Variants in BNC2 observed in about 807,000 individuals in gnomAD.
BNC2 encodes the protein basonuclin zinc finger protein 2.
A neutral mutation model predicts 76.3 loss-of-function variants in BNC2; 20 were observed. The observed-to-expected ratio is 0.26, with a 90% CI of 0.18 to 0.38. The LOEUF is 0.38. Among genes scored for constraint, BNC2 ranks in the 10% least tolerant of loss-of-function variants. The pLI, the probability that BNC2 is intolerant of heterozygous loss-of-function variation, is 1.00. For synonymous variants in BNC2, 582 were observed against 514.8 expected (o/e 1.13, Z -1.77); for missense variants, 1,382 against 1,399.8 (o/e 0.99, Z 0.20).
chr9:16,558,844 G>C (rs1364701264), intron 4 of BNC2, among the ~76,000 whole-genome samples: 1 of 150,152 alleles, frequency 6.7e-6, no homozygotes, highest in East Asian at 2.0e-4. Context: ...TGAAGCAGGA[G>C]AATCACTTGA....
At chr9:16,610,354 G>A (rs1312896050) in intron 3 of BNC2, among the ~76,000 whole-genome samples, 2 of 152,116 alleles carry the variant, frequency 1.3e-5, no homozygotes, top group African/African-American at 2.4e-5. Flanking sequence ...TGAAAGGAAC[G>A]GCCAGTGAGT....
chr9:16,651,910 A>G (rs1456384204), intron 3 of BNC2, among the ~76,000 whole-genome samples: 1 of 152,230 alleles, frequency 6.6e-6, no homozygotes, highest in Non-Finnish European at 1.5e-5. Flanking sequence ...TAAAAAATAG[A>G]GTGTTAAGAA....
chr9:16,599,393 G>A (rs1820182269), intron 3 of BNC2, among the ~76,000 whole-genome samples: 1 of 152,174 alleles, frequency 6.6e-6, no homozygotes, highest in Admixed American at 6.5e-5. Flanking sequence ...GTGAACGGAA[G>A]CCTAGGTACA....
intron 5 of BNC2, among the ~76,000 whole-genome samples, chr9:16,481,427 C>T (rs1822053800): frequency 6.6e-6 from 1 of 152,094 alleles, no homozygotes; most frequent in South Asian, 2.1e-4. Context: ...TAACACTCAC[C>T]ACGAAGGTCT....
chr9:16,714,110 G>A (rs551418121), intron 3 of BNC2, among the ~76,000 whole-genome samples: 7 of 152,198 alleles, frequency 4.6e-5, no homozygotes, highest in South Asian at 4.2e-4. Context: ...TACTAATTTC[G>A]GTTTACTGTA....
intron 3 of BNC2, among the ~76,000 whole-genome samples, chr9:16,689,577 T>C (rs1823090323): frequency 6.6e-6 from 1 of 152,150 alleles, no homozygotes; most frequent in Non-Finnish European, 1.5e-5. Flanking sequence ...GTATGTGTTT[T>C]GGTGGCTTCA....
At chr9:16,553,265 T>A (rs1034175959) in intron 4 of BNC2, among the ~76,000 whole-genome samples, 9 of 152,018 alleles carry the variant, frequency 5.9e-5, no homozygotes, top group African/African-American at 2.2e-4. Context: ...AGGAAGAGAG[T>A]GTTCTTTAGA....
intron 4 of BNC2, among the ~76,000 whole-genome samples, chr9:16,569,726 A>C (rs1819267510): frequency 6.6e-6 from 1 of 152,186 alleles, no homozygotes; most frequent in Non-Finnish European, 1.5e-5. Flanking sequence ...CAGCAACTCC[A>C]CATGAAGGTG....
At position 16,782,013 on chromosome 9, in the gene BNC2, G is replaced by A. The variant is rs151128289; in HGVS notation, c.4-43528C>T. On this transcript the variant is annotated intron_variant, in intron 1 of 6. Coordinates refer to ENST00000380672, the MANE Select transcript of BNC2 (RefSeq NM_017637.6). Reference sequence around the variant, plus strand: ...TTTAATAATTTTGTATAGGCTGGGCGTGGTGGCTCATGCCTGTAATCTCAA... The same window carrying A: ...TTTAATAATTTTGTATAGGCTGGGCATGGTGGCTCATGCCTGTAATCTCAA... Among the ~76,000 whole-genome samples, 1,243 of 152,142 alleles carry A rather than the reference G, an allele frequency of 8.2e-3. 12 individuals are homozygous for A. Among genetic ancestry groups the A allele is most frequent in the African/African-American group, 0.027 (1,133 of 41,518 alleles).
chr9:16,554,779 C>T (rs1378398935), intron 4 of BNC2, among the ~76,000 whole-genome samples: 1 of 152,156 alleles, frequency 6.6e-6, no homozygotes, highest in Non-Finnish European at 1.5e-5. Flanking sequence ...CATCAGCTCT[C>T]CTCAACCGTT....
chr9:16,851,032 G>C (rs1437713187), intron 1 of BNC2, among the ~76,000 whole-genome samples: 2 of 151,648 alleles, frequency 1.3e-5, no homozygotes, highest in Non-Finnish European at 1.5e-5. Flanking sequence ...TCATCTTCTA[G>C]GGTGACTATT....
intron 1 of BNC2, among the ~76,000 whole-genome samples, chr9:16,785,671 G>A (rs371679511): frequency 2.6e-5 from 4 of 151,212 alleles, no homozygotes; most frequent in African/African-American, 9.7e-5. Context: ...GTGCTGGGAT[G>A]AGCCACCACG....
chr9:16,626,833 T>C (rs895568524), intron 3 of BNC2, among the ~76,000 whole-genome samples: 5 of 152,162 alleles, frequency 3.3e-5, no homozygotes, highest in African/African-American at 1.2e-4. Context: ...CTAGATGCTC[T>C]AGCAACTGCC....
chr9:16,456,697 A>C (rs1821456592), intron 5 of BNC2, among the ~76,000 whole-genome samples: 1 of 152,152 alleles, frequency 6.6e-6, no homozygotes, highest in African/African-American at 2.4e-5. Context: ...TGTCCTGATA[A>C]GGAAGCAACT....
Position 16,462,789 on chromosome 9 carries a change from G to GC in BNC2, c.670-25266dup, listed in dbSNP as rs140033145. Among the ~76,000 whole-genome samples the GC allele has an allele frequency of 2.8e-3, 422 of 152,190 alleles. 1 individual carries two copies. Among genetic ancestry groups the GC allele is most frequent in the African/African-American group, 9.4e-3 (389 of 41,506 alleles). On this transcript the variant is annotated intron_variant, in intron 5 of 6. Coordinates refer to ENST00000380672, the MANE Select transcript of BNC2 (RefSeq NM_017637.6). ...CATTGTCCTCCTTTGACAAAGAGAT[G>GC]CCCCTCCCTCTTTCTGTTCTTTGTT...
At position 16,699,650 on chromosome 9, in the gene BNC2, T is replaced by C. The variant is rs573933509; in HGVS notation, c.330+28147A>G. Among the ~76,000 whole-genome samples the C allele has an allele frequency of 2.9e-4, 44 of 152,288 alleles. No homozygotes were observed. The South Asian group carries it at 7.9e-3, about 27-fold the overall frequency. On this transcript the variant is annotated intron_variant, in intron 3 of 6. Coordinates refer to ENST00000380672, the MANE Select transcript of BNC2 (RefSeq NM_017637.6). ...CAATAGTAACAGACAGAAGAAGAAA[T>C]TGGTCTAACTAACCCTCTCTGTGCC...
intron 5 of BNC2, among the ~76,000 whole-genome samples, chr9:16,465,279 T>C (rs1479427322): frequency 6.6e-6 from 1 of 151,712 alleles, no homozygotes; most frequent in Admixed American, 6.6e-5. Flanking sequence ...CTACTAAAAA[T>C]ACAAAAATTA....
rs574677245 is a variant in BNC2 at position 16,562,384 on chromosome 9, C to T, written c.434-9619G>A. On this transcript the variant is annotated intron_variant, in intron 4 of 6. Transcript: ENST00000380672. The stretch of plus-strand genomic sequence containing the variant: ...TAAGCAAATGTAAGTGATGCCCACT[C>T]TTTTAATTTTAGTTTGAATATTTTC... Among the ~76,000 whole-genome samples, 66 of 152,300 alleles carry T rather than the reference C, an allele frequency of 4.3e-4. 1 individual carries two copies. Among genetic ancestry groups the T allele is most frequent in the Admixed American group, 2.3e-3 (35 of 15,304 alleles).
At chr9:16,696,261 A>G (rs990992287) in intron 3 of BNC2, among the ~76,000 whole-genome samples, 10 of 152,136 alleles carry the variant, frequency 6.6e-5, no homozygotes, top group Non-Finnish European at 1.5e-4. Flanking sequence ...GGCCCTCTAC[A>G]ATCTAGCTCT....
Sources: allele counts gnomAD v4.1 joint callset (sites outside exome capture counted in the v4.1 genomes callset), GRCh38; gene constraint gnomAD v4.1.1; transcripts MANE v1.5; gene names NCBI Gene and HGNC (gene_info 2026-07-23, HGNC 2026-07-21).